KAZALD1: variants seen among roughly 807,000 people sequenced by gnomAD.
The protein encoded by KAZALD1 is Kazal type serine peptidase inhibitor domain 1.
Under a neutral mutation model 27.7 loss-of-function variants are expected in KAZALD1, and 31 were observed. That is an observed-to-expected ratio of 1.12 (90% CI 0.84 to 1.51). The LOEUF (loss-of-function observed/expected upper bound fraction) is 1.51, where lower values mean the gene tolerates loss of function less well. KAZALD1 is among the 40% of genes most tolerant of loss of function. The probability of loss-of-function intolerance (pLI) is 0.00; values close to 1 mark genes in which losing one functional copy is unlikely to be tolerated. For synonymous variants in KAZALD1, 179 were observed against 182.0 expected (o/e 0.98, Z 0.13); for missense variants, 444 against 408.9 (o/e 1.09, Z -0.74).
downstream of KAZALD1, chr10:101,067,567 A>C: frequency 1.8e-5 from 6 of 341,276 alleles, no homozygotes; most frequent in South Asian, 1.3e-4. Context: ...TGTGAAGAGG[A>C]AGCCAGAGGG....
rs1271192421 is a variant in KAZALD1 at position 101,066,855 on chromosome 10, G to A, written c.*1935G>A. The A allele has an allele frequency of 3.1e-6, 1 of 317,606 alleles. No individual in the cohort carries two copies. Among genetic ancestry groups the A allele is most frequent in the African/African-American group, 2.2e-5 (1 of 45,704 alleles). The allele number at this position is 317,606 out of a possible 1,614,324, so 19.7% of individuals were successfully genotyped here. A position where few individuals can be genotyped will look rare whatever the true frequency, so the allele number is the denominator to read the frequency against. On this transcript the variant is annotated 3_prime_UTR_variant, in exon 5 of 5. Coordinates refer to ENST00000370200, the MANE Select transcript of KAZALD1 (RefSeq NM_030929.5). ...CAGGAGCAGCCTCCTAGCAGCCTCA[G>A]TTTTCCCCTCCCCGCCCTGCTGGTT...
intron 2 of KAZALD1, 136 bp downstream of exon 2, chr10:101,063,239 C>G: frequency 1.4e-6 from 1 of 729,656 alleles, no homozygotes; most frequent in Non-Finnish European, 2.1e-6. Context: ...CAGTATAAAA[C>G]CCTGCTCTCG....
chr10:101,062,592 C>A lies in KAZALD1; in HGVS notation c.-1C>A. ...AGTGCTCGCAGGGCTTCCCGCTAAC[C>A]ATGCTGCCGCCGCCGCGGCCCGCAG... On this transcript the variant is annotated 5_prime_UTR_variant, in exon 2 of 5. Transcript: ENST00000370200. 6.3e-7 allele frequency: 1 copy of A among 1,585,008 alleles called. No homozygotes were observed. The highest frequency in any genetic ancestry group is 1.1e-5 in the South Asian group (1 of 90,026).
In KAZALD1 at chr10:101,062,531, C is replaced by G; in HGVS notation, c.-51-11C>G. 1 of 1,537,908 alleles carries G rather than the reference C, an allele frequency of 6.5e-7. No homozygotes were observed. The highest frequency in any genetic ancestry group is 8.7e-7 in the Non-Finnish European group (1 of 1,153,826). Reference sequence around the variant, plus strand: ...TTTCTGACCTCCTGACCTGGCTTCCCTTCCTGGCAGGGTGCCCGAACGCGC... The same window carrying G: ...TTTCTGACCTCCTGACCTGGCTTCCGTTCCTGGCAGGGTGCCCGAACGCGC... On this transcript the variant is annotated splice_polypyrimidine_tract_variant and intron_variant, in intron 1 of 4. Coordinates refer to ENST00000370200, the MANE Select transcript of KAZALD1 (RefSeq NM_030929.5).
rs370383384 is a variant in KAZALD1 at position 101,062,982 on chromosome 10, G to A, written c.390G>A (p.Ser130=). Reference sequence around the variant, plus strand: ...CGGAACCTCTGTGTGCCTGTCGTTCGCAGAGTCCGCTCTGCGGGTCCGACG... The same window carrying A: ...CGGAACCTCTGTGTGCCTGTCGTTCACAGAGTCCGCTCTGCGGGTCCGACG... ...EVPEPLCACR[S]QSPLCGSDGH... Residue 130 remains serine (S), a synonymous_variant, in exon 2 of 5, where the codon TCG becomes TCA. Transcript: ENST00000370200. 2.5e-6 allele frequency: 4 copies of A among 1,600,994 alleles called. No individual in the cohort carries two copies. Among genetic ancestry groups the A allele is most frequent in the Non-Finnish European group, 3.4e-6 (4 of 1,179,326 alleles).
rs1376809039 is a variant in KAZALD1 at position 101,066,446 on chromosome 10, C to A, written c.*1526C>A. 2.2e-6 allele frequency: 1 copy of A among 456,630 alleles called. No individual in the cohort carries two copies. The highest frequency in any genetic ancestry group is 4.4e-6 in the Non-Finnish European group (1 of 226,978). 28.3% of individuals were successfully genotyped at this position (456,630 alleles called of 1,614,324 possible). ...GCCAGCGACAGTTTTTATTGCCGAA[C>A]CCAGGCTGGAAGCGGGCGGCCCTAG... is the stretch of plus-strand genomic sequence containing the variant. On this transcript the variant is annotated 3_prime_UTR_variant, in exon 5 of 5. Coordinates refer to ENST00000370200, the MANE Select transcript of KAZALD1 (RefSeq NM_030929.5).
downstream of KAZALD1, chr10:101,067,278 G>A (rs1210398870): frequency 6.6e-6 from 3 of 456,698 alleles, no homozygotes; most frequent in Admixed American, 4.7e-5. Flanking sequence ...GAGGTTCCAG[G>A]AGCGCCGACC....
downstream of KAZALD1, chr10:101,067,922 G>A: frequency 2.1e-6 from 1 of 471,544 alleles, no homozygotes; most frequent in Non-Finnish European, 4.4e-6. Flanking sequence ...GCGGGCGGTG[G>A]CGTGCGGGGA....
chr10:101,066,629 C>A lies in KAZALD1; in HGVS notation c.*1709C>A, dbSNP rs948676386. The A allele has an allele frequency of 5.1e-6, 2 of 393,124 alleles. No homozygotes were observed. Among genetic ancestry groups the A allele is most frequent in the African/African-American group, 4.1e-5 (2 of 48,414 alleles). The allele number at this position is 393,124 out of a possible 1,614,324, so 24.4% of individuals were successfully genotyped here. A position where few individuals can be genotyped will look rare whatever the true frequency, so the allele number is the denominator to read the frequency against. On this transcript the variant is annotated 3_prime_UTR_variant, in exon 5 of 5. Transcript: ENST00000370200. ...GAAAGAGGGGACGTGGGTGTGAGTC[C>A]CAGCATCAGCCAGGGAATCCGCCCC...
At chr10:101,064,095 G>A in intron 2 of KAZALD1, 166 bp from the exon 3 acceptor site, 1 of 679,546 alleles carries the variant, frequency 1.5e-6, no homozygotes. Context: ...ATCCATATCT[G>A]TGTGTACCTG....
In KAZALD1 at chr10:101,064,317, A is replaced by T; in HGVS notation, c.568A>T (p.Ile190Phe). ...TTGGAATGTGACAGGGCAGGATGTG[A>T]TCTTTGGCTGTGAAGTGTTTGCCTA... is the stretch of plus-strand genomic sequence containing the variant. Reference protein sequence around the residue: ...DTWNVTGQDVIFGCEVFAYPM... With the variant: ...DTWNVTGQDVFFGCEVFAYPM... The change falls in exon 3 of 5, where the codon ATC (isoleucine) becomes TTC (phenylalanine). Residue 190 changes from isoleucine to phenylalanine, a missense_variant. By Grantham distance (21) the Ile-to-Phe change is conservative. Coordinates refer to ENST00000370200, the MANE Select transcript of KAZALD1 (RefSeq NM_030929.5). 6.2e-7 allele frequency: 1 copy of T among 1,614,092 alleles called. No individual in the cohort carries two copies. Among genetic ancestry groups the T allele is most frequent in the Non-Finnish European group, 8.5e-7 (1 of 1,180,008 alleles).
In KAZALD1 at chr10:101,064,266, C is replaced by A; in HGVS notation, c.517C>A (p.Gln173Lys). ...CCTCCCGCCTTCACCCCCAGGGCCC[C>A]AGATCGTGTCACATCCATATGACAC... ...AHPGPCESGPQIVSHPYDTWN... is the reference protein window; with the variant it reads ...AHPGPCESGPKIVSHPYDTWN... Residue 173 changes from glutamine (Q) to lysine (K), a missense_variant, in exon 3 of 5, where the codon CAG (glutamine) becomes AAG (lysine). By Grantham distance (53) the Gln-to-Lys change is moderately conservative. Coordinates refer to ENST00000370200, the MANE Select transcript of KAZALD1 (RefSeq NM_030929.5). 1 of 1,614,096 alleles carries A rather than the reference C, an allele frequency of 6.2e-7. No homozygotes were observed. The highest frequency in any genetic ancestry group is 8.5e-7 in the Non-Finnish European group (1 of 1,180,008).
Position 101,067,000 on chromosome 10 carries a change from T to C in KAZALD1, c.*2080T>C, listed in dbSNP as rs575394668. 301 of 317,830 alleles carry C rather than the reference T, an allele frequency of 9.5e-4. 6 individuals are homozygous for C. The highest frequency in any genetic ancestry group is 7.2e-3 in the South Asian group (292 of 40,822). 19.7% of individuals were successfully genotyped at this position (317,830 alleles called of 1,614,324 possible). A position where few individuals can be genotyped will look rare whatever the true frequency, so the allele number is the denominator to read the frequency against. ...CGCTGGAAAGTGACACGCGATTTATTATTAAAGTAATGCGGGCGCAGGGAC... is the reference window on the plus strand; with the variant it reads ...CGCTGGAAAGTGACACGCGATTTATCATTAAAGTAATGCGGGCGCAGGGAC... On this transcript the variant is annotated 3_prime_UTR_variant, in exon 5 of 5. Coordinates refer to ENST00000370200, the MANE Select transcript of KAZALD1 (RefSeq NM_030929.5).
downstream of KAZALD1, chr10:101,067,225 C>T (rs1939347013): frequency 2.2e-6 from 1 of 455,870 alleles, no homozygotes; most frequent in South Asian, 1.5e-5. Flanking sequence ...GCTTCCAAGC[C>T]ATCCCCGCGT....
Position 101,063,006 on chromosome 10 carries a change from C to T in KAZALD1, c.414C>T (p.Asp138=), listed in dbSNP as rs777859458. 5 of 1,600,058 alleles carry T rather than the reference C, an allele frequency of 3.1e-6. No homozygotes were observed. Among genetic ancestry groups the T allele is most frequent in the Middle Eastern group, 1.7e-4 (1 of 6,054 alleles). ...CRSQSPLCGS[D]GHTYSQICRL... ...CGCAGAGTCCGCTCTGCGGGTCCGA[C>T]GGTCACACCTACTCCCAGATCTGCC... The change falls in exon 2 of 5, where the codon GAC becomes GAT. Residue 138 remains aspartate, a synonymous_variant. Transcript: ENST00000370200.
In KAZALD1 at chr10:101,063,120, G is replaced by T; in HGVS notation, c.511+17G>T. ...GCGAATCGGGTACGCATGGCCCGGG[G>T]CCCCCACCCCAGCACTTAGGTTTCC... On this transcript the variant is annotated intron_variant, in intron 2 of 4. Transcript: ENST00000370200. 6 of 1,520,510 alleles carry T rather than the reference G, an allele frequency of 3.9e-6. No homozygotes were observed. Among genetic ancestry groups the T allele is most frequent in the Non-Finnish European group, 5.3e-6 (6 of 1,137,804 alleles). The allele number at this position is 1,520,510 out of a possible 1,614,324, so 94.2% of individuals were successfully genotyped here.
intron 1 of KAZALD1, among the ~76,000 whole-genome samples, 171 bp downstream of exon 1, chr10:101,062,286 T>C (rs1206056180): frequency 1.3e-5 from 2 of 152,102 alleles, no homozygotes; most frequent in Non-Finnish European, 2.9e-5. Context: ...GTGGTGGGTG[T>C]GCGTGCGCCT....
At chr10:101,067,415 C>A, downstream of KAZALD1, 1 of 420,654 alleles carries the variant, frequency 2.4e-6, no homozygotes, top group Admixed American at 2.5e-5. Flanking sequence ...CCCGGAGATC[C>A]GGAGTCCGGA....
At chr10:101,067,202 CG>C, downstream of KAZALD1, 1 of 450,076 alleles carries the variant, frequency 2.2e-6, no homozygotes, top group South Asian at 1.6e-5. Context: ...CTCCCGGTTT[CG>C]CCTGCCCACG....
Sources: allele counts gnomAD v4.1 joint callset (sites outside exome capture counted in the v4.1 genomes callset), GRCh38; gene constraint gnomAD v4.1.1; transcripts MANE v1.5; gene names NCBI Gene and HGNC (gene_info 2026-07-23, HGNC 2026-07-21).